The following VKORC1L1 variants were observed in gnomAD, a reference collection of about 807,000 sequenced individuals.
The protein encoded by VKORC1L1 is vitamin K epoxide reductase complex subunit 1L1, also known as vitamin K epoxide reductase complex subunit 1-like protein 1.
Under a neutral mutation model 18.9 loss-of-function variants are expected in VKORC1L1, and 2 were observed. That is an observed-to-expected ratio of 0.11 (90% CI 0.04 to 0.33). The LOEUF is 0.33. VKORC1L1 is among the 10% of genes least tolerant of loss of function. The pLI, the probability that VKORC1L1 is intolerant of heterozygous loss-of-function variation, is 1.00. For missense variants in VKORC1L1, 123 were observed against 224.1 expected, an observed-to-expected ratio of 0.55 and a Z score of 2.88; for synonymous variants, 96 against 100.0, an observed-to-expected ratio of 0.96 and a Z score of 0.24.
intron 1 of VKORC1L1, among the ~76,000 whole-genome samples, chr7:65,916,867 G>A (rs1171520948): frequency 1.3e-5 from 2 of 151,964 alleles, no homozygotes; most frequent in Non-Finnish European, 2.9e-5. Context: ...CAACGTGCTG[G>A]GATTATAGGC....
At chr7:65,942,203 G>A (rs564042284) in intron 1 of VKORC1L1, among the ~76,000 whole-genome samples, 9 of 152,130 alleles carry the variant, frequency 5.9e-5, no homozygotes, top group African/African-American at 9.6e-5. Context: ...TTAAAGACTT[G>A]TTGGCCGGAT....
chr7:65,879,953 G>A (rs1309527698), intron 1 of VKORC1L1, among the ~76,000 whole-genome samples: 2 of 151,970 alleles, frequency 1.3e-5, no homozygotes, highest in African/African-American at 4.8e-5. Context: ...CCTGGGTCAA[G>A]TGATCCTCCA....
intron 1 of VKORC1L1, among the ~76,000 whole-genome samples, chr7:65,879,496 A>G (rs1415273279): frequency 3.9e-5 from 6 of 152,228 alleles, no homozygotes; most frequent in Non-Finnish European, 8.8e-5. Flanking sequence ...GTCTCTCAAG[A>G]GTCCCATGAG....
intron 1 of VKORC1L1, among the ~76,000 whole-genome samples, chr7:65,905,733 A>T (rs913192753): frequency 1.3e-5 from 2 of 152,152 alleles, no homozygotes; most frequent in Non-Finnish European, 2.9e-5. Flanking sequence ...AAATTTAAAC[A>T]ATTTGTGTTT....
chr7:65,905,341 C>T (rs896940256), intron 1 of VKORC1L1, among the ~76,000 whole-genome samples: 8 of 151,736 alleles, frequency 5.3e-5, no homozygotes, highest in East Asian at 1.9e-4. Context: ...GATGGAGTCT[C>T]GCTCTGTCAT....
intron 1 of VKORC1L1, among the ~76,000 whole-genome samples, chr7:65,890,051 G>C (rs1316592596): frequency 6.6e-6 from 1 of 151,800 alleles, no homozygotes; most frequent in Non-Finnish European, 1.5e-5. Flanking sequence ...TCTGCTTCCT[G>C]GGCTCAAGCA....
intron 1 of VKORC1L1, among the ~76,000 whole-genome samples, chr7:65,935,277 A>G (rs374901010): frequency 7.2e-6 from 1 of 138,034 alleles, no homozygotes; most frequent in African/African-American, 2.5e-5. Context: ...CTCAGTTGAC[A>G]GTTCTTTTCA....
intron 1 of VKORC1L1, among the ~76,000 whole-genome samples, chr7:65,932,705 A>C (rs1490738960): frequency 6.6e-6 from 1 of 152,122 alleles, no homozygotes; most frequent in African/African-American, 2.4e-5. Flanking sequence ...GTTATTTTAA[A>C]CTTGAAGTTT....
chr7:65,889,682 C>T (rs1254507177), intron 1 of VKORC1L1, among the ~76,000 whole-genome samples: 26 of 152,214 alleles, frequency 1.7e-4, no homozygotes, highest in Non-Finnish European at 2.5e-4. Context: ...CAACTATATG[C>T]GTCCCCCTTC....
intron 1 of VKORC1L1, among the ~76,000 whole-genome samples, chr7:65,922,652 A>G (rs1424888420): frequency 2.6e-5 from 4 of 152,182 alleles, no homozygotes; most frequent in Non-Finnish European, 5.9e-5. Context: ...TCATCTGGAG[A>G]AGAAATTGTT....
At chr7:65,947,537 T>C (rs1229413741) in intron 1 of VKORC1L1, among the ~76,000 whole-genome samples, 1 of 152,118 alleles carries the variant, frequency 6.6e-6, no homozygotes, top group Non-Finnish European at 1.5e-5. Flanking sequence ...TCAAATAAGT[T>C]AACAATTTAA....
At chr7:65,893,070 A>G (rs1233289166) in intron 1 of VKORC1L1, among the ~76,000 whole-genome samples, 2 of 152,276 alleles carry the variant, frequency 1.3e-5, no homozygotes, top group East Asian at 1.9e-4. Context: ...AAGAGAATCC[A>G]GCTGTCTCCC....
chr7:65,886,662 T>C (rs1444379233), intron 1 of VKORC1L1, among the ~76,000 whole-genome samples: 8 of 149,524 alleles, frequency 5.4e-5, no homozygotes, highest in East Asian at 4.0e-4. Flanking sequence ...CTCAGCATCC[T>C]GAGTAGCTGG....
intron 1 of VKORC1L1, among the ~76,000 whole-genome samples, chr7:65,917,759 G>T (rs888910802): frequency 2.0e-5 from 3 of 152,096 alleles, no homozygotes; most frequent in African/African-American, 7.2e-5. Flanking sequence ...CATATCATTA[G>T]TTCATTATTT....
At chr7:65,902,688 G>C (rs1354541337) in intron 1 of VKORC1L1, among the ~76,000 whole-genome samples, 1 of 151,972 alleles carries the variant, frequency 6.6e-6, no homozygotes, top group Non-Finnish European at 1.5e-5. Context: ...ACCACACCAA[G>C]GCACATCATC....
chr7:65,893,361 G>T (rs1789139626), intron 1 of VKORC1L1, among the ~76,000 whole-genome samples: 1 of 152,046 alleles, frequency 6.6e-6, no homozygotes, highest in African/African-American at 2.4e-5. Flanking sequence ...GAGCAACATG[G>T]TGAAACCCTG....
chr7:65,871,226 T>C (rs1172401938), upstream of VKORC1L1, among the ~76,000 whole-genome samples: 1 of 151,412 alleles, frequency 6.6e-6, no homozygotes, highest in Non-Finnish European at 1.5e-5. Flanking sequence ...GATGGAGTTT[T>C]TCCTTGTAAG....
At chr7:65,914,659 A>G (rs189727053) in intron 1 of VKORC1L1, among the ~76,000 whole-genome samples, 6 of 151,930 alleles carry the variant, frequency 3.9e-5, no homozygotes, top group Non-Finnish European at 7.4e-5. Context: ...CCACCCCTAT[A>G]TTGTTTTATT....
intron 1 of VKORC1L1, among the ~76,000 whole-genome samples, chr7:65,934,369 C>A (rs1311338012): frequency 6.6e-6 from 1 of 152,120 alleles, no homozygotes; most frequent in Non-Finnish European, 1.5e-5. Context: ...ACCTCAAATA[C>A]TTATTTTTTG....
Sources: gnomAD v4.1 joint callset for allele counts (sites outside exome capture counted in the v4.1 genomes callset) on GRCh38, gnomAD v4.1.1 for gene constraint, MANE v1.5 for transcripts, NCBI Gene and HGNC (gene_info 2026-07-23, HGNC 2026-07-21) for gene names.